The following ITGAE variants were observed in gnomAD, a reference collection of about 807,000 sequenced individuals.
ITGAE encodes integrin alpha-E.
ITGAE carries 99 observed loss-of-function variants against 136.5 expected under a neutral mutation model. The observed-to-expected ratio is 0.73, with a 90% confidence interval of 0.62 to 0.86. The LOEUF (loss-of-function observed/expected upper bound fraction) is 0.86. Ranked by LOEUF, ITGAE falls within the 40% of genes least tolerant of loss-of-function variation. The pLI is 0.00. For synonymous variants in ITGAE, 613 were observed against 591.8 expected (o/e 1.04, Z -0.52); for missense variants, 1,447 against 1,515.3 (o/e 0.95, Z 0.75).
intron 29 of ITGAE, among the ~76,000 whole-genome samples, chr17:3,719,249 AAAAAAAAG>A (rs1567752135): frequency 1.6e-4 from 24 of 146,282 alleles, no homozygotes; most frequent in African/African-American, 5.8e-4. Flanking sequence ...AAAAAAAAAA[AAAAAAAAG>A]AAAAGAAAAG....
intron 1 of ITGAE, among the ~76,000 whole-genome samples, chr17:3,796,580 G>C (rs539239079): frequency 3.4e-4 from 52 of 152,202 alleles, no homozygotes; most frequent in African/African-American, 1.1e-3. Context: ...CCACAGGCGA[G>C]GGCTGGCCCT....
chr17:3,733,022 C>T (rs184159199), intron 21 of ITGAE, among the ~76,000 whole-genome samples: 34 of 152,228 alleles, frequency 2.2e-4, no homozygotes, highest in Non-Finnish European at 3.8e-4. Flanking sequence ...TTCACTCTTT[C>T]GCCCAAGCTG....
Position 3,734,888 on chromosome 17 carries a change from C to G in ITGAE, c.2584G>C (p.Gly862Arg). ...LTLNINLTNS[G>R]EDSYMTSMAL... is the part of the protein sequence containing the mutation. Reference sequence around the variant, plus strand: ...ATGCTTGTCATGTAGGAATCTTCCCCGGAGTTAGTTAGGTTAATGTTCAGG... The same window carrying G: ...ATGCTTGTCATGTAGGAATCTTCCCGGGAGTTAGTTAGGTTAATGTTCAGG... The change falls in exon 21 of 31, where the codon GGG becomes CGG. Residue 862 changes from glycine (G) to arginine (R), a missense_variant. Around this residue, in one of 3 missense-constraint regions of ITGAE, gnomAD observed 1,031 missense variants for 1,011.4 expected, o/e 1.02. Coordinates refer to ENST00000263087, the MANE Select transcript of ITGAE (RefSeq NM_002208.5). 6.2e-7 allele frequency: 1 copy of G among 1,614,146 alleles called. No individual in the cohort carries two copies. The highest frequency in any genetic ancestry group is 8.5e-7 in the Non-Finnish European group (1 of 1,180,006).
intron 2 of ITGAE, among the ~76,000 whole-genome samples, chr17:3,772,215 C>A (rs116236163): frequency 2.2e-4 from 33 of 152,270 alleles, no homozygotes; most frequent in African/African-American, 7.9e-4. Context: ...TGCCTCGATG[C>A]GCCCCCCCGT....
At chr17:3,774,090 G>A (rs1046298417) in intron 2 of ITGAE, among the ~76,000 whole-genome samples, 3 of 152,094 alleles carry the variant, frequency 2.0e-5, no homozygotes, top group East Asian at 1.9e-4. Flanking sequence ...AGGCTGCTTC[G>A]GGAGCCACCA....
At chr17:3,776,905 C>A (rs2052553614) in intron 2 of ITGAE, among the ~76,000 whole-genome samples, 1 of 151,102 alleles carries the variant, frequency 6.6e-6, no homozygotes, top group African/African-American at 2.4e-5. Flanking sequence ...CTATATTGAA[C>A]ATGTGTTACT....
chr17:3,757,242 C>T, intron 9 of ITGAE, 108 bp from the exon 10 acceptor site: 1 of 1,305,810 alleles, frequency 7.7e-7, no homozygotes, highest in South Asian at 1.4e-5. Flanking sequence ...TTACCTGTCT[C>T]CTTCCTTCCT....
chr17:3,793,722 T>C (rs983699857), intron 1 of ITGAE, among the ~76,000 whole-genome samples: 2 of 152,170 alleles, frequency 1.3e-5, no homozygotes, highest in African/African-American at 4.8e-5. Flanking sequence ...CTAATTTTTG[T>C]ATTTTTAGTA....
At chr17:3,787,742 C>T (rs2052834312) in intron 1 of ITGAE, among the ~76,000 whole-genome samples, 1 of 150,860 alleles carries the variant, frequency 6.6e-6, no homozygotes, top group African/African-American at 2.4e-5. Context: ...GGCTGGAGTG[C>T]CATGGCACAA....
chr17:3,768,578 C>A (rs549424432), intron 2 of ITGAE, among the ~76,000 whole-genome samples: 1 of 152,202 alleles, frequency 6.6e-6, no homozygotes, highest in Non-Finnish European at 1.5e-5. Context: ...CCCTCCACCG[C>A]GCTGTTTCCT....
chr17:3,786,498 G>A (rs2052801159), intron 1 of ITGAE, among the ~76,000 whole-genome samples: 1 of 152,064 alleles, frequency 6.6e-6, no homozygotes, highest in Non-Finnish European at 1.5e-5. Context: ...AATCCAGCAA[G>A]CACAATAAAT....
chr17:3,770,614 G>A (rs1048872270), intron 2 of ITGAE, among the ~76,000 whole-genome samples: 3 of 152,108 alleles, frequency 2.0e-5, no homozygotes, highest in Non-Finnish European at 4.4e-5. Flanking sequence ...GCCAGCCAGC[G>A]CACTTCCTGC....
At chr17:3,786,888 CA>C (rs1268482931) in intron 1 of ITGAE, among the ~76,000 whole-genome samples, 3,631 of 35,298 alleles carry the variant, frequency 0.1, 33 homozygotes, top group African/African-American at 0.16. Flanking sequence ...GACTCCATCT[CA>C]AAAAAAAAAA....
At chr17:3,787,780 C>A (rs1046753614) in intron 1 of ITGAE, among the ~76,000 whole-genome samples, 1 of 151,540 alleles carries the variant, frequency 6.6e-6, no homozygotes, top group African/African-American at 2.4e-5. Flanking sequence ...CTCCACCTCT[C>A]GAGTTCAAGT....
At chr17:3,795,981 GTGTGCATC>G (rs1234218894) in intron 1 of ITGAE, among the ~76,000 whole-genome samples, 683 of 59,908 alleles carry the variant, frequency 0.011, 10 homozygotes, top group African/African-American at 0.054. Flanking sequence ...GTGCATCCGT[GTGTGCATC>G]TGTGTGTGCA....
intron 2 of ITGAE, among the ~76,000 whole-genome samples, chr17:3,775,310 T>G (rs1395255391): frequency 6.6e-6 from 1 of 152,160 alleles, no homozygotes; most frequent in Non-Finnish European, 1.5e-5. Flanking sequence ...TCCAGATGGA[T>G]CCAGGTAAAC....
chr17:3,800,009 C>T (rs181678111), intron 1 of ITGAE, among the ~76,000 whole-genome samples: 132 of 152,240 alleles, frequency 8.7e-4, no homozygotes, highest in Non-Finnish European at 1.3e-3. Flanking sequence ...ATCCCAGCTA[C>T]TCGGGAGGCT....
Position 3,724,598 on chromosome 17 carries a change from G to T in ITGAE, c.3085-854C>A. 1 of 1,614,210 alleles carries T rather than the reference G, an allele frequency of 6.2e-7. No homozygotes were observed. The highest frequency in any genetic ancestry group is 8.5e-7 in the Non-Finnish European group (1 of 1,180,050). On this transcript the variant is annotated intron_variant, in intron 26 of 30. Coordinates refer to ENST00000263087, the MANE Select transcript of ITGAE (RefSeq NM_002208.5). ...ACCGAGCATCTCTCCCCTGCTCCCA[G>T]GAGGAAGCGACAGGAGGAGCCAAGG...
rs1053088512 is a variant in ITGAE at position 3,756,860 on chromosome 17, G to A, written c.1171+124C>T. 56 of 1,060,538 alleles carry A rather than the reference G, an allele frequency of 5.3e-5. No individual in the cohort carries two copies. In the East Asian group the frequency reaches 1.0e-3, roughly 19 times the overall value. The allele number at this position is 1,060,538 out of a possible 1,614,324, so 65.7% of individuals were successfully genotyped here. ...ACCCGGCCATTGCCTTTTTAGACAT[G>A]GAAGAGCTGAGGTTCAGGGAGATGA... On this transcript the variant is annotated intron_variant, in intron 10 of 30. Coordinates refer to ENST00000263087, the MANE Select transcript of ITGAE (RefSeq NM_002208.5).
Sources: gnomAD v4.1 joint callset for allele counts (sites outside exome capture counted in the v4.1 genomes callset) on GRCh38, gnomAD v4.1.1 for gene constraint, gnomAD v4.1.1 regional missense constraint, MANE v1.5 for transcripts, NCBI Gene and HGNC (gene_info 2026-07-23, HGNC 2026-07-21) for gene names.